DDX31: variants seen among roughly 807,000 people sequenced by gnomAD.
The protein encoded by DDX31 is DEAD-box helicase 31.
Under a neutral mutation model 91.3 loss-of-function variants are expected in DDX31, and 70 were observed. The observed-to-expected ratio is 0.77, with a 90% CI of 0.63 to 0.94. The LOEUF is 0.94. Among genes scored for constraint, DDX31 ranks in the 40% least tolerant of loss-of-function variants. The pLI, the probability that DDX31 is intolerant of heterozygous loss-of-function variation, is 0.00. For missense variants in DDX31, 902 were observed against 925.0 expected, an observed-to-expected ratio of 0.98 and a Z score of 0.32; for synonymous variants, 362 against 350.6, an observed-to-expected ratio of 1.03 and a Z score of -0.36.
intron 14 of DDX31, 138 bp downstream of exon 14, chr9:132,641,866 G>A: frequency 1.4e-6 from 1 of 725,526 alleles, no homozygotes; most frequent in Non-Finnish European, 2.3e-6. Context: ...GGTGCAAAGA[G>A]GCCAGCCCCA....
At chr9:132,638,343 T>A (rs765245370) in intron 14 of DDX31, 2 of 1,613,972 alleles carry the variant, frequency 1.2e-6, no homozygotes, top group Admixed American at 3.3e-5. Flanking sequence ...TCCTTTCCTC[T>A]GGCTTAGGGT....
intron 7 of DDX31, 62 bp downstream of exon 7, chr9:132,652,386 A>C: frequency 6.2e-7 from 1 of 1,605,518 alleles, no homozygotes; most frequent in Non-Finnish European, 8.5e-7. Flanking sequence ...CCACTTTTAA[A>C]TTCAACGGGA....
chr9:132,613,584 C>T (rs1379803326), intron 18 of DDX31, among the ~76,000 whole-genome samples: 1 of 152,148 alleles, frequency 6.6e-6, no homozygotes, highest in East Asian at 1.9e-4. Context: ...ATCCCGGCTA[C>T]TCAGGAGGCT....
At chr9:132,610,879 G>A (rs776060093) in intron 19 of DDX31, among the ~76,000 whole-genome samples, 7 of 152,180 alleles carry the variant, frequency 4.6e-5, no homozygotes, top group Non-Finnish European at 7.3e-5. Flanking sequence ...ACATCAGAAC[G>A]GAGCCGACTT....
At position 132,614,750 on chromosome 9, in the gene DDX31, G is replaced by A. The variant is rs375203981; in HGVS notation, c.1826-2495C>T. Among the ~76,000 whole-genome samples the A allele has an allele frequency of 5.3e-5, 8 of 152,244 alleles. No homozygotes were observed. The South Asian group carries it at 1.0e-3, about 20-fold the overall frequency. ...TAGGTGCCCAGCTAACAGCTTTACA[G>A]GGATAATGAGTTTGCCAAGATGTGG... is the stretch of plus-strand genomic sequence containing the variant. On this transcript the variant is annotated intron_variant, in intron 18 of 19. Transcript: ENST00000372159.
intron 1 of DDX31, among the ~76,000 whole-genome samples, chr9:132,667,753 C>T (rs1480566005): frequency 6.6e-6 from 1 of 152,108 alleles, no homozygotes; most frequent in Non-Finnish European, 1.5e-5. Flanking sequence ...GTGTTAGTTA[C>T]CAGGCTCTGC....
chr9:132,614,706 G>A (rs968542568), intron 18 of DDX31, among the ~76,000 whole-genome samples: 4 of 152,270 alleles, frequency 2.6e-5, no homozygotes, highest in Non-Finnish European at 5.9e-5. Context: ...AGCACTGAGA[G>A]CATCTGTCCC....
Position 132,646,058 on chromosome 9 carries a change from T to C in DDX31, c.1217A>G (p.Gln406Arg), listed in dbSNP as rs758248433. ...ACTTGAGAAAAAGACAACCATCTTC[T>C]GGTCTTCCTCAAACTACATCGATAC... ...ILQKCKFEED[Q>R]KMVVFFSSCE... The change falls in exon 13 of 20, where the codon CAG (glutamine) becomes CGG (arginine). Residue 406 changes from glutamine (Q) to arginine (R), a missense_variant. Coordinates refer to ENST00000372159, the MANE Select transcript of DDX31 (RefSeq NM_022779.9). 1.2e-6 allele frequency: 2 copies of C among 1,614,074 alleles called. No individual in the cohort carries two copies. The highest frequency in any genetic ancestry group is 1.1e-5 in the South Asian group (1 of 91,072).
At chr9:132,664,681 C>T (rs1835195117) in intron 1 of DDX31, among the ~76,000 whole-genome samples, 1 of 147,068 alleles carries the variant, frequency 6.8e-6, no homozygotes, top group South Asian at 2.2e-4. Context: ...GATGCCACTG[C>T]TCTCCAGCCT....
chr9:132,609,976 T>C (rs1363356546), intron 19 of DDX31, among the ~76,000 whole-genome samples: 1 of 152,232 alleles, frequency 6.6e-6, no homozygotes, highest in Non-Finnish European at 1.5e-5. Flanking sequence ...GCTCTCAAAG[T>C]GTCACCATTG....
Position 132,610,957 on chromosome 9 carries a change from C to T in DDX31, c.1994+1130G>A, listed in dbSNP as rs114698731. ...CCACTGGGTGGTCCCTCTGTCTTTG[C>T]CGTGACAGGCTAGAGAAACGGGGCC... On this transcript the variant is annotated intron_variant, in intron 19 of 19. Transcript: ENST00000372159. Among the ~76,000 whole-genome samples the T allele has an allele frequency of 4.7e-3, 722 of 152,236 alleles. 7 individuals are homozygous for T. Among genetic ancestry groups the T allele is most frequent in the African/African-American group, 0.016 (683 of 41,532 alleles).
intron 8 of DDX31, 22 bp from the exon 9 acceptor site, chr9:132,650,320 C>A (rs532565526): frequency 1.2e-6 from 2 of 1,611,630 alleles, no homozygotes; most frequent in Non-Finnish European, 1.7e-6. Flanking sequence ...CAGCAGACCA[C>A]AGTCAGTGCA....
intron 1 of DDX31, among the ~76,000 whole-genome samples, chr9:132,669,111 C>T (rs1835524858): frequency 6.6e-6 from 1 of 152,124 alleles, no homozygotes; most frequent in Non-Finnish European, 1.5e-5. Context: ...AGTGGCTGCC[C>T]TTAGAGACAA....
intron 19 of DDX31, among the ~76,000 whole-genome samples, chr9:132,604,388 TG>T (rs1347121216): frequency 6.6e-6 from 1 of 152,164 alleles, no homozygotes; most frequent in African/African-American, 2.4e-5. Context: ...GGTGCCAGCC[TG>T]CCTCCCCTGA....
intron 6 of DDX31, 102 bp downstream of exon 6, chr9:132,658,569 A>T: frequency 5.5e-6 from 6 of 1,082,778 alleles, no homozygotes; most frequent in Non-Finnish European, 8.3e-6. Context: ...AAAAATACTC[A>T]GTGAAAACAG....
At chr9:132,615,887 C>T (rs751878588) in intron 18 of DDX31, among the ~76,000 whole-genome samples, 59 of 152,348 alleles carry the variant, frequency 3.9e-4, no homozygotes, top group Non-Finnish European at 6.3e-4. Flanking sequence ...CAAATACATA[C>T]TTGGCCCAGT....
Position 132,635,596 on chromosome 9 carries a change from C to T in DDX31, c.1441-3505G>A, listed in dbSNP as rs144064420. ...AGGATTACAGGTGTGAGCCACCGTGCCTGGCCTGTACATAGCTTTTTTGAA... is the reference window on the plus strand; with the variant it reads ...AGGATTACAGGTGTGAGCCACCGTGTCTGGCCTGTACATAGCTTTTTTGAA... On this transcript the variant is annotated intron_variant, in intron 14 of 19. Transcript: ENST00000372159. Among the ~76,000 whole-genome samples, 20 of 151,296 alleles carry T rather than the reference C, an allele frequency of 1.3e-4. No individual in the cohort carries two copies. The East Asian group carries it at 3.6e-3, about 27-fold the overall frequency.
chr9:132,648,383 A>C, intron 10 of DDX31, 49 bp downstream of exon 10: 1 of 1,607,368 alleles, frequency 6.2e-7, no homozygotes, highest in Non-Finnish European at 8.5e-7. Flanking sequence ...CAAGGAGAGG[A>C]GAAACAGCCC....
intron 13 of DDX31, among the ~76,000 whole-genome samples, chr9:132,642,315 C>A (rs938485201): frequency 6.6e-6 from 1 of 152,142 alleles, no homozygotes; most frequent in East Asian, 1.9e-4. Context: ...ACTACCAGGG[C>A]AGGCACACTC....
Sources: allele counts gnomAD v4.1 joint callset (sites outside exome capture counted in the v4.1 genomes callset), GRCh38; gene constraint gnomAD v4.1.1; transcripts MANE v1.5; gene names NCBI Gene and HGNC (gene_info 2026-07-23, HGNC 2026-07-21).